GFOD1: variants seen among roughly 807,000 people sequenced by gnomAD.
GFOD1 encodes the protein Gfo/Idh/MocA-like oxidoreductase domain containing 1, also known as glucose-fructose oxidoreductase domain-containing protein 1.
In GFOD1, 9 loss-of-function variants were observed where a neutral mutation model predicts 25.4. The ratio of observed to expected loss-of-function variants is 0.35; its 90% CI spans 0.21 to 0.62. The LOEUF is 0.62. Ranked by LOEUF, GFOD1 falls within the 20% of genes least tolerant of loss-of-function variation. The pLI, the probability that GFOD1 is intolerant of heterozygous loss-of-function variation, is 0.72. For synonymous variants in GFOD1, 253 were observed against 245.6 expected, an observed-to-expected ratio of 1.03 and a Z score of -0.28; for missense variants, 403 against 556.9, an observed-to-expected ratio of 0.72 and a Z score of 2.78.
chr6:13,393,368 C>CAAAA (rs70989853), intron 1 of GFOD1, among the ~76,000 whole-genome samples: 9 of 72,480 alleles, frequency 1.2e-4, no homozygotes, highest in African/African-American at 1.7e-4. Context: ...AAACAACCAC[C>CAAAA]AAAAAAAAAA....
chr6:13,482,731 G>C (rs796566708), intron 1 of GFOD1, among the ~76,000 whole-genome samples: 7 of 152,114 alleles, frequency 4.6e-5, no homozygotes, highest in Admixed American at 2.0e-4. Context: ...CTGGGCAACA[G>C]AGCGAGGCTC....
intron 1 of GFOD1, among the ~76,000 whole-genome samples, chr6:13,449,062 G>A (rs1430638145): frequency 3.3e-5 from 5 of 152,202 alleles, no homozygotes; most frequent in African/African-American, 1.2e-4. Flanking sequence ...TGAGTTGGGA[G>A]GATCACTTGA....
intron 1 of GFOD1, among the ~76,000 whole-genome samples, chr6:13,484,445 C>T (rs1008593609): frequency 1.3e-5 from 2 of 152,094 alleles, no homozygotes; most frequent in African/African-American, 2.4e-5. Context: ...CAAACCAAGA[C>T]GACCACCCCA....
chr6:13,407,716 C>G (rs778705551), intron 1 of GFOD1, among the ~76,000 whole-genome samples: 9 of 152,222 alleles, frequency 5.9e-5, no homozygotes, highest in Non-Finnish European at 1.5e-5. Context: ...TTCTATGTAG[C>G]AAACTTGGAG....
At position 13,360,804 on chromosome 6, in the gene GFOD1, T is replaced by A. The variant is rs998140110; in HGVS notation, c.*3939A>T. The A allele has an allele frequency of 1.1e-5, 5 of 456,558 alleles. No individual in the cohort carries two copies. Among genetic ancestry groups the A allele is most frequent in the African/African-American group, 1.0e-4 (5 of 50,066 alleles). 28.3% of individuals were successfully genotyped at this position (456,558 alleles called of 1,614,324 possible). On this transcript the variant is annotated 3_prime_UTR_variant, in exon 2 of 2. Coordinates refer to ENST00000379287, the MANE Select transcript of GFOD1 (RefSeq NM_018988.4). ...TGCTTGTCACAGTCCTTCCTGGGTG[T>A]GAGAGCAGACCCCGTAGACATTGAT...
chr6:13,468,707 G>T (rs981008908), intron 1 of GFOD1, among the ~76,000 whole-genome samples: 15 of 152,146 alleles, frequency 9.9e-5, no homozygotes, highest in Non-Finnish European at 2.1e-4. Flanking sequence ...TTAGGAGAGA[G>T]GGAGCTTCCA....
intron 1 of GFOD1, among the ~76,000 whole-genome samples, chr6:13,366,179 TG>T (rs1395906086): frequency 1.3e-5 from 2 of 152,178 alleles, no homozygotes; most frequent in Non-Finnish European, 2.9e-5. Flanking sequence ...CTTAATTTGT[TG>T]TTTTTTGTTT....
intron 1 of GFOD1, among the ~76,000 whole-genome samples, chr6:13,475,730 A>G (rs1253084161): frequency 0.14 from 3,373 of 24,202 alleles, 81 homozygotes; most frequent in Non-Finnish European, 0.21. Context: ...AATAATAATA[A>G]TAATAATAAT....
At chr6:13,449,741 A>G (rs1352060125) in intron 1 of GFOD1, among the ~76,000 whole-genome samples, 1 of 152,276 alleles carries the variant, frequency 6.6e-6, no homozygotes, top group South Asian at 2.1e-4. Flanking sequence ...GCCACCATGT[A>G]AGATGTGCCT....
intron 1 of GFOD1, among the ~76,000 whole-genome samples, chr6:13,393,923 C>A (rs983656093): frequency 6.6e-6 from 1 of 151,646 alleles, no homozygotes; most frequent in African/African-American, 2.4e-5. Context: ...GGACTACAGG[C>A]GCCCACCACC....
intron 1 of GFOD1, among the ~76,000 whole-genome samples, chr6:13,448,192 C>A (rs1758037707): frequency 6.6e-6 from 1 of 152,184 alleles, no homozygotes; most frequent in Non-Finnish European, 1.5e-5. Flanking sequence ...CCTTCAAAAA[C>A]CTCATTCTTA....
intron 1 of GFOD1, among the ~76,000 whole-genome samples, chr6:13,410,005 G>GTTTTTTTTTT (rs56252038): frequency 1.6e-5 from 2 of 121,582 alleles, no homozygotes; most frequent in African/African-American, 3.1e-5. Context: ...CGGATTTTTA[G>GTTTTTTTTTT]TTTTTTTTTT....
At position 13,430,889 on chromosome 6, in the gene GFOD1, G is replaced by GTTGGA. The variant is rs1160141351; in HGVS notation, c.253+55748_253+55749insTCCAA. Among the ~76,000 whole-genome samples the GTTGGA allele has an allele frequency of 6.6e-6, 1 of 152,132 alleles. No homozygotes were observed. The highest frequency in any genetic ancestry group is 1.5e-5 in the Non-Finnish European group (1 of 68,018). On this transcript the variant is annotated intron_variant, in intron 1 of 1. Transcript: ENST00000379287. This position sits in a 1 kb window ranked among gnomAD's most constrained non-coding sequence, Gnocchi z 4.1. ...AGGACACTCCATCTCCAACTTTTCAGGTAACCTTCTCCTGCCCTCTCTACA... is the reference window on the plus strand; with the variant it reads ...AGGACACTCCATCTCCAACTTTTCAGTTGGAGTAACCTTCTCCTGCCCTCTCTACA...
intron 1 of GFOD1, among the ~76,000 whole-genome samples, chr6:13,450,472 C>T (rs1400730619): frequency 6.6e-6 from 1 of 152,120 alleles, no homozygotes; most frequent in African/African-American, 2.4e-5. Flanking sequence ...AGAGTTATGA[C>T]AGTGAAAGAG....
Position 13,360,677 on chromosome 6 carries a change from T to C in GFOD1, c.*4066A>G. On this transcript the variant is annotated 3_prime_UTR_variant, in exon 2 of 2. Coordinates refer to ENST00000379287, the MANE Select transcript of GFOD1 (RefSeq NM_018988.4). ...GGAATGGGAAGAAACACTGGCTACT[T>C]CTATGTGCAGCTCTACAGCCTCCTG... 1 of 456,196 alleles carries C rather than the reference T, an allele frequency of 2.2e-6. No homozygotes were observed. Among genetic ancestry groups the C allele is most frequent in the Non-Finnish European group, 4.4e-6 (1 of 226,504 alleles). The allele number at this position is 456,196 out of a possible 1,614,324, so 28.3% of individuals were successfully genotyped here. A position where few individuals can be genotyped will look rare whatever the true frequency, so the allele number is the denominator to read the frequency against.
chr6:13,466,036 T>C (rs577514589), intron 1 of GFOD1, among the ~76,000 whole-genome samples: 1 of 152,212 alleles, frequency 6.6e-6, no homozygotes, highest in South Asian at 2.1e-4. Context: ...AACACCAAAT[T>C]TGACAAATTT....
intron 1 of GFOD1, among the ~76,000 whole-genome samples, chr6:13,384,488 A>G (rs1226581970): frequency 6.6e-6 from 1 of 152,210 alleles, no homozygotes; most frequent in Non-Finnish European, 1.5e-5. Context: ...TCCTACTCCC[A>G]ACCATAATTA....
At chr6:13,461,353 GA>G in intron 1 of GFOD1, among the ~76,000 whole-genome samples, 1 of 152,306 alleles carries the variant, frequency 6.6e-6, no homozygotes, top group Admixed American at 6.5e-5. Flanking sequence ...GTTTGAAGGG[GA>G]AGGGAGGCAT....
intron 1 of GFOD1, among the ~76,000 whole-genome samples, chr6:13,444,580 C>G (rs1443142481): frequency 6.6e-6 from 1 of 151,800 alleles, no homozygotes; most frequent in African/African-American, 2.4e-5. Flanking sequence ...TATATGTTCA[C>G]GTGCTTTATA....
Sources: allele counts gnomAD v4.1 joint callset (sites outside exome capture counted in the v4.1 genomes callset), GRCh38; gene constraint gnomAD v4.1.1; non-coding constraint Gnocchi (gnomAD v3.1); transcripts MANE v1.5; gene names NCBI Gene and HGNC (gene_info 2026-07-23, HGNC 2026-07-21).